Variants in TBC1D24 observed in about 807,000 individuals in gnomAD.
TBC1D24 encodes the protein Infantile myoclonic epilepsy.
In TBC1D24, 47 loss-of-function variants were observed where a neutral mutation model predicts 50.7. The observed-to-expected ratio is 0.93, with a 90% confidence interval of 0.73 to 1.18. The LOEUF is 1.18. Ranked by LOEUF, TBC1D24 falls within the 50% of genes most tolerant of loss-of-function variation. TBC1D24 has a pLI of 0.00. For synonymous variants in TBC1D24, 324 were observed against 335.2 expected (o/e 0.97, Z 0.36); for missense variants, 688 against 766.5 (o/e 0.90, Z 1.21).
intron 1 of TBC1D24, chr16:2,484,891 T>C (rs2065637247): frequency 1.3e-5 from 2 of 152,282 alleles, no homozygotes; most frequent in Non-Finnish European, 2.9e-5. Context: ...CATGAAGAAA[T>C]CAGACTTGGC....
chr16:2,480,486 T>C (rs896731298), intron 1 of TBC1D24: 12 of 152,110 alleles, frequency 7.9e-5, no homozygotes, highest in African/African-American at 2.7e-4. Flanking sequence ...GGGAATCTAC[T>C]GAGGATACAG....
chr16:2,497,154 G>A, intron 2 of TBC1D24, 41 bp downstream of exon 2: 2 of 1,598,136 alleles, frequency 1.3e-6, no homozygotes, highest in Non-Finnish European at 1.7e-6. Context: ...CCCAGGGTCG[G>A]GGGCTGGGGC....
Position 2,499,615 on chromosome 16 carries a change from C to T in TBC1D24, c.1206+195C>T, listed in dbSNP as rs2065773258. On this transcript the variant is annotated intron_variant, in intron 5 of 7. Transcript: ENST00000646147. This position sits in a 1 kb window ranked among gnomAD's most constrained non-coding sequence, Gnocchi z 4.0. ...CAAGGGGAAATGAGACTATCCCCAA[C>T]ACAGCCCCCGCCCACCCTCATTGCC... Among the ~76,000 whole-genome samples the T allele has an allele frequency of 6.6e-6, 1 of 152,140 alleles. No homozygotes were observed.
chr16:2,500,261 A>C lies in TBC1D24; in HGVS notation c.1303-7A>C. 6.3e-7 allele frequency: 1 copy of C among 1,594,004 alleles called. No individual in the cohort carries two copies. Among genetic ancestry groups the C allele is most frequent in the Non-Finnish European group, 8.5e-7 (1 of 1,171,072 alleles). On this transcript the variant is annotated splice_polypyrimidine_tract_variant and splice_region_variant and intron_variant, in intron 6 of 7. Transcript: ENST00000646147. The surrounding 1 kb of genome is among the most constrained non-coding windows in gnomAD (Gnocchi z 8.0). ...CGCCAGCTCCTCACACTCCCCTTCC[A>C]CCCCAGCTGCAGCCTGAGGTGCAGC...
chr16:2,497,475 G>A (rs1425552976), intron 2 of TBC1D24, among the ~76,000 whole-genome samples: 1 of 152,196 alleles, frequency 6.6e-6, no homozygotes, highest in Non-Finnish European at 1.5e-5. Context: ...GCTGCTGGGC[G>A]TGGCCTCCCC....
rs912532614 is a variant in TBC1D24, at chr16:2,487,593, T to C, written c.-115-8441T>C. 6.6e-6 allele frequency among the ~76,000 whole-genome samples: 1 copy of C among 152,180 alleles called. No individual in the cohort carries two copies. Among genetic ancestry groups the C allele is most frequent in the African/African-American group, 2.4e-5 (1 of 41,428 alleles). ...GCCTCGTGACTCAGGCTGTCAGGCC[T>C]GGAGTTTGGTGCTGGAGTTTTGTGC... On this transcript the variant is annotated intron_variant, in intron 1 of 7. Coordinates refer to ENST00000646147, the MANE Select transcript of TBC1D24 (RefSeq NM_001199107.2). The surrounding 1 kb of genome is among the most constrained non-coding windows in gnomAD (Gnocchi z 4.1).
At chr16:2,497,757 G>A in intron 3 of TBC1D24, 30 bp downstream of exon 3, 2 of 1,535,442 alleles carry the variant, frequency 1.3e-6, no homozygotes, top group South Asian at 2.4e-5. Context: ...TGCACACCTG[G>A]CCTCTGTCTT....
At position 2,487,580 on chromosome 16, in the gene TBC1D24, A is replaced by G. The variant is rs990817649; in HGVS notation, c.-115-8454A>G. Among the ~76,000 whole-genome samples the G allele has an allele frequency of 6.6e-6, 1 of 152,176 alleles. No individual in the cohort carries two copies. The highest frequency in any genetic ancestry group is 2.4e-5 in the African/African-American group (1 of 41,416). On this transcript the variant is annotated intron_variant, in intron 1 of 7. Coordinates refer to ENST00000646147, the MANE Select transcript of TBC1D24 (RefSeq NM_001199107.2). The surrounding 1 kb of genome is among the most constrained non-coding windows in gnomAD (Gnocchi z 4.1). ...GAGACGTGCAGAGGCCTCGTGACTC[A>G]GGCTGTCAGGCCTGGAGTTTGGTGC...
intron 1 of TBC1D24, among the ~76,000 whole-genome samples, chr16:2,494,270 G>A (rs1047125432): frequency 2.6e-5 from 4 of 152,142 alleles, no homozygotes; most frequent in African/African-American, 9.7e-5. Flanking sequence ...AAACTGGCTG[G>A]GTGTGGTGGC....
At chr16:2,489,576 C>T (rs2065679731) in intron 1 of TBC1D24, among the ~76,000 whole-genome samples, 1 of 152,172 alleles carries the variant, frequency 6.6e-6, no homozygotes, top group Admixed American at 6.5e-5. Context: ...AGAGGCTTCC[C>T]GGGTGAGAAA....
chr16:2,492,882 C>G (rs1029425303), intron 1 of TBC1D24, among the ~76,000 whole-genome samples: 3 of 151,986 alleles, frequency 2.0e-5, no homozygotes, highest in African/African-American at 7.2e-5. Flanking sequence ...CACCTGAGGT[C>G]GGGAGTTCGA....
Position 2,499,947 on chromosome 16 carries a change from GT to G in TBC1D24, c.1302+18del. ...GTGTTTAGGGTGAGTGGGGCCAAGT[GT>G]CCCCAAACCCCCACGCAGACCCTGT... On this transcript the variant is annotated intron_variant, in intron 6 of 7. Transcript: ENST00000646147. This position sits in a 1 kb window ranked among gnomAD's most constrained non-coding sequence, Gnocchi z 4.0. 5 of 1,611,448 alleles carry G rather than the reference GT, an allele frequency of 3.1e-6. No individual in the cohort carries two copies. Among genetic ancestry groups the G allele is most frequent in the Non-Finnish European group, 2.5e-6 (3 of 1,177,724 alleles).
chr16:2,500,006 TG>T lies in TBC1D24; in HGVS notation c.1302+80del. ...TCCCTCCAGGAGCACCCGCCTGCCC[TG>T]GGGACACTGTTGGGTGTCGCCATGG... On this transcript the variant is annotated intron_variant, in intron 6 of 7. Coordinates refer to ENST00000646147, the MANE Select transcript of TBC1D24 (RefSeq NM_001199107.2). This position sits in a 1 kb window ranked among gnomAD's most constrained non-coding sequence, Gnocchi z 8.0. 7.4e-7 allele frequency: 1 copy of T among 1,357,522 alleles called. No individual in the cohort carries two copies. The highest frequency in any genetic ancestry group is 1.1e-6 in the Non-Finnish European group (1 of 946,260). The allele number at this position is 1,357,522 out of a possible 1,614,324, so 84.1% of individuals were successfully genotyped here. A position where few individuals can be genotyped will look rare whatever the true frequency, so the allele number is the denominator to read the frequency against.
chr16:2,497,953 C>T (rs1434809985), intron 3 of TBC1D24, among the ~76,000 whole-genome samples: 1 of 152,214 alleles, frequency 6.6e-6, no homozygotes, highest in Admixed American at 6.5e-5. Context: ...ACCCTGAAGC[C>T]TTGTCTTGCC....
chr16:2,488,906 A>C (rs1024384476), intron 1 of TBC1D24, among the ~76,000 whole-genome samples: 2 of 142,956 alleles, frequency 1.4e-5, no homozygotes, highest in African/African-American at 2.6e-5. Context: ...TAAAAATACA[A>C]AAAAAAAAAA....
At chr16:2,488,011 G>A (rs1333045626) in intron 1 of TBC1D24, among the ~76,000 whole-genome samples, 3 of 152,216 alleles carry the variant, frequency 2.0e-5, no homozygotes, top group South Asian at 2.1e-4. Flanking sequence ...CAGCTGCCCC[G>A]CTGGGGCCCC....
chr16:2,482,150 A>G lies in TBC1D24; in HGVS notation c.-116+6980A>G, dbSNP rs1393237303. ...GCTCCCTGTTGTTATTTGGCCTTCA[A>G]AATTAAATTTGTCTTGGGCCCAAGT... On this transcript the variant is annotated intron_variant, in intron 1 of 7. Transcript: ENST00000646147. This position sits in a 1 kb window ranked among gnomAD's most constrained non-coding sequence, Gnocchi z 5.2. 1 of 152,230 alleles carries G rather than the reference A, an allele frequency of 6.6e-6. No homozygotes were observed. Among genetic ancestry groups the G allele is most frequent in the African/African-American group, 2.4e-5 (1 of 41,452 alleles). 9.4% of individuals were successfully genotyped at this position (152,230 alleles called of 1,614,324 possible).
At chr16:2,488,024 C>T (rs2065664722) in intron 1 of TBC1D24, among the ~76,000 whole-genome samples, 1 of 152,242 alleles carries the variant, frequency 6.6e-6, no homozygotes, top group Non-Finnish European at 1.5e-5. Flanking sequence ...GGGGCCCCTC[C>T]TGCCCCGTTC....
At chr16:2,479,756 T>G (rs370168904) in intron 1 of TBC1D24, 4 of 152,300 alleles carry the variant, frequency 2.6e-5, no homozygotes, top group African/African-American at 9.6e-5. Flanking sequence ...CTCCGAGGAC[T>G]GTGCATATGC....
Sources: allele counts gnomAD v4.1 joint callset (sites outside exome capture counted in the v4.1 genomes callset), GRCh38; gene constraint gnomAD v4.1.1; non-coding constraint Gnocchi (gnomAD v3.1); transcripts MANE v1.5; gene names NCBI Gene and HGNC (gene_info 2026-07-23, HGNC 2026-07-21).